GALNTL6: variants seen among roughly 807,000 people sequenced by gnomAD.
GALNTL6 encodes the protein polypeptide N-acetylgalactosaminyltransferase-like 6.
A neutral mutation model predicts 73.7 loss-of-function variants in GALNTL6; 46 were observed. That is an observed-to-expected ratio of 0.62 (90% confidence interval 0.49 to 0.80). The LOEUF is 0.80. Ranked by LOEUF, GALNTL6 falls within the 30% of genes least tolerant of loss-of-function variation. The pLI is 0.00. For synonymous variants in GALNTL6, 259 were observed against 263.7 expected (o/e 0.98, Z 0.17); for missense variants, 604 against 755.0 (o/e 0.80, Z 2.34).
At chr4:172,198,670 T>C (rs186124845) in intron 2 of GALNTL6, among the ~76,000 whole-genome samples, 1 of 152,268 alleles carries the variant, frequency 6.6e-6, no homozygotes, top group Non-Finnish European at 1.5e-5. Flanking sequence ...TAAGTAATTA[T>C]CTGGGGACAA....
At chr4:172,393,746 A>G (rs775995658) in intron 5 of GALNTL6, among the ~76,000 whole-genome samples, 1 of 152,156 alleles carries the variant, frequency 6.6e-6, no homozygotes, top group Non-Finnish European at 1.5e-5. Context: ...GCTTTATGTA[A>G]CTACTTTTAT....
rs532980125 is a variant in GALNTL6, at chr4:172,566,745, A to C, written c.553+218056A>C. On this transcript the variant is annotated intron_variant, in intron 5 of 12. Coordinates refer to ENST00000506823, the MANE Select transcript of GALNTL6 (RefSeq NM_001034845.3). ...AGAAAAAAATAAATGGAACTAAAAA[A>C]ATTTTTTAAGATAACAAAATCAGCA... is the stretch of plus-strand genomic sequence containing the variant. Among the ~76,000 whole-genome samples, 249 of 152,026 alleles carry C rather than the reference A, an allele frequency of 1.6e-3. 2 individuals carry two copies. The highest frequency in any genetic ancestry group is 5.6e-3 in the African/African-American group (234 of 41,540).
chr4:172,636,163 C>T (rs941791903), intron 5 of GALNTL6, among the ~76,000 whole-genome samples: 2 of 152,278 alleles, frequency 1.3e-5, no homozygotes, highest in East Asian at 3.9e-4. Flanking sequence ...GTCAGATTCA[C>T]TATTATAGAA....
intron 5 of GALNTL6, among the ~76,000 whole-genome samples, chr4:172,755,762 T>C (rs992154493): frequency 2.6e-5 from 4 of 152,336 alleles, no homozygotes; most frequent in South Asian, 2.1e-4. Context: ...TAAATTAATT[T>C]GTGTTGACTT....
At chr4:171,968,741 T>G (rs1739464747) in intron 2 of GALNTL6, among the ~76,000 whole-genome samples, 1 of 151,552 alleles carries the variant, frequency 6.6e-6, no homozygotes, top group Non-Finnish European at 1.5e-5. Context: ...CTTCCTGTCT[T>G]GCCAGTGTCC....
At chr4:172,255,346 C>G (rs1738036024) in intron 3 of GALNTL6, among the ~76,000 whole-genome samples, 2 of 124,398 alleles carry the variant, frequency 1.6e-5, no homozygotes, top group African/African-American at 5.8e-5. Context: ...ATTGGTAGAG[C>G]CTGTTCAATT....
intron 4 of GALNTL6, among the ~76,000 whole-genome samples, chr4:172,335,721 G>C (rs1455105859): frequency 6.6e-6 from 1 of 152,108 alleles, no homozygotes; most frequent in East Asian, 1.9e-4. Flanking sequence ...AGGTTTTCCA[G>C]TTTGTGTGTA....
intron 5 of GALNTL6, chr4:172,380,213 T>C (rs1743228577): frequency 4.0e-6 from 4 of 990,546 alleles, no homozygotes; most frequent in Middle Eastern, 2.1e-4. Flanking sequence ...CCACTTACCT[T>C]TCAAAATATC....
At chr4:171,920,412 T>C (rs1033897711) in intron 2 of GALNTL6, among the ~76,000 whole-genome samples, 4 of 151,682 alleles carry the variant, frequency 2.6e-5, no homozygotes, top group Admixed American at 2.6e-4. Context: ...AAAGAAACAG[T>C]TTAGGGATGG....
intron 5 of GALNTL6, among the ~76,000 whole-genome samples, chr4:172,531,835 A>G (rs997697617): frequency 6.6e-6 from 1 of 152,214 alleles, no homozygotes; most frequent in East Asian, 1.9e-4. Flanking sequence ...AGAAGGGGTG[A>G]GAGAGCTGGC....
rs142872650 is a variant in GALNTL6 at position 172,060,639 on chromosome 4, A to G, written c.139-169017A>G. Among the ~76,000 whole-genome samples, 626 of 152,284 alleles carry G rather than the reference A, an allele frequency of 4.1e-3. 15 individuals are homozygous for G. Among genetic ancestry groups the G allele is most frequent in the Non-Finnish European group, 1.3e-3 (91 of 68,018 alleles). ...TCAGAAAACATCTTATTGTCTTTTA[A>G]AGAAAGACACATAGAACAATTTAAT... On this transcript the variant is annotated intron_variant, in intron 2 of 12. Transcript: ENST00000506823.
chr4:172,066,747 C>T (rs1368436115), intron 2 of GALNTL6, among the ~76,000 whole-genome samples: 2 of 152,120 alleles, frequency 1.3e-5, no homozygotes, highest in East Asian at 3.9e-4. Context: ...CAGAACATGA[C>T]ATTTGGGCCT....
At chr4:172,374,008 T>C (rs1742928692) in intron 5 of GALNTL6, among the ~76,000 whole-genome samples, 1 of 152,176 alleles carries the variant, frequency 6.6e-6, no homozygotes. Context: ...GGCACCCTCA[T>C]TCCTGTTGTT....
intron 3 of GALNTL6, among the ~76,000 whole-genome samples, chr4:172,274,923 A>G (rs781586329): frequency 1.3e-5 from 2 of 152,196 alleles, no homozygotes; most frequent in Non-Finnish European, 2.9e-5. Flanking sequence ...AACAATGTTG[A>G]ATCTTTTACA....
chr4:172,272,680 A>G (rs529329540), intron 3 of GALNTL6, among the ~76,000 whole-genome samples: 5 of 152,318 alleles, frequency 3.3e-5, no homozygotes, highest in African/African-American at 9.6e-5. Context: ...TTGTAAATAA[A>G]TGTGTAGAAA....
chr4:172,457,728 A>G (rs1732450116), intron 5 of GALNTL6, among the ~76,000 whole-genome samples: 1 of 152,226 alleles, frequency 6.6e-6, no homozygotes, highest in Non-Finnish European at 1.5e-5. Context: ...AGAGTGATAC[A>G]AAGTGACTTA....
chr4:172,185,325 A>C (rs1361309157), intron 2 of GALNTL6, among the ~76,000 whole-genome samples: 1 of 152,204 alleles, frequency 6.6e-6, no homozygotes, highest in Non-Finnish European at 1.5e-5. Flanking sequence ...AACTCCAAAA[A>C]GGATATTATT....
intron 9 of GALNTL6, among the ~76,000 whole-genome samples, chr4:172,938,290 GGGA>G (rs948595723): frequency 6.6e-6 from 1 of 152,172 alleles, no homozygotes; most frequent in Non-Finnish European, 1.5e-5. Flanking sequence ...CATAGAGAAA[GGGA>G]GGAGGAGGAG....
At chr4:172,467,172 C>T (rs1332689342) in intron 5 of GALNTL6, among the ~76,000 whole-genome samples, 1 of 152,116 alleles carries the variant, frequency 6.6e-6, no homozygotes, top group Non-Finnish European at 1.5e-5. Context: ...AGAGAAAAGG[C>T]CGTGATAATT....
Sources: gnomAD v4.1 joint callset for allele counts (sites outside exome capture counted in the v4.1 genomes callset) on GRCh38, gnomAD v4.1.1 for gene constraint, MANE v1.5 for transcripts, NCBI Gene and HGNC (gene_info 2026-07-23, HGNC 2026-07-21) for gene names.